Variants in MTPN observed in about 807,000 individuals in gnomAD.
MTPN encodes granule cell differentiation protein.
In MTPN, 2 loss-of-function variants were observed where a neutral mutation model predicts 13.5. The observed-to-expected ratio is 0.15, with a 90% confidence interval of 0.06 to 0.47. MTPN has a LOEUF of 0.47. MTPN is among the 20% of genes least tolerant of loss of function. MTPN has a pLI of 0.97. For synonymous variants in MTPN, 46 were observed against 51.7 expected (o/e 0.89, Z 0.48); for missense variants, 79 against 137.9 (o/e 0.57, Z 2.14).
At chr7:135,931,722 G>C (rs1005133244) in intron 3 of MTPN, among the ~76,000 whole-genome samples, 1 of 152,120 alleles carries the variant, frequency 6.6e-6, no homozygotes, top group Non-Finnish European at 1.5e-5. Flanking sequence ...ATATTATAGT[G>C]AACTTCTGTT....
chr7:135,943,190 G>A (rs1296812728), intron 3 of MTPN, among the ~76,000 whole-genome samples: 1 of 152,164 alleles, frequency 6.6e-6, no homozygotes, highest in East Asian at 1.9e-4. Context: ...AATGTGAGTG[G>A]GGGAATATCT....
intron 1 of MTPN, among the ~76,000 whole-genome samples, chr7:135,973,803 A>C (rs1490876400): frequency 3.9e-5 from 6 of 152,156 alleles, no homozygotes; most frequent in Non-Finnish European, 5.9e-5. Flanking sequence ...GGTCTGCTAA[A>C]TATAGATGCT....
intron 3 of MTPN, among the ~76,000 whole-genome samples, chr7:135,939,369 C>T (rs905674041): frequency 2.6e-5 from 4 of 152,048 alleles, no homozygotes; most frequent in African/African-American, 7.2e-5. Context: ...GCATCTGACA[C>T]AACCCACTTC....
At chr7:135,951,463 C>G (rs1447998502) in intron 2 of MTPN, 54 bp downstream of exon 2, 13 of 1,042,518 alleles carry the variant, frequency 1.2e-5, no homozygotes, top group Non-Finnish European at 1.4e-5. Flanking sequence ...AAAACAATTA[C>G]CCATAGCATA....
chr7:135,960,260 A>C (rs1313699957), intron 1 of MTPN, among the ~76,000 whole-genome samples: 1 of 152,118 alleles, frequency 6.6e-6, no homozygotes, highest in African/African-American at 2.4e-5. Flanking sequence ...GGTCTAATCA[A>C]GCTACCATGA....
At chr7:135,974,482 C>T (rs1799743199) in intron 1 of MTPN, among the ~76,000 whole-genome samples, 1 of 152,000 alleles carries the variant, frequency 6.6e-6, no homozygotes, top group Non-Finnish European at 1.5e-5. Flanking sequence ...GCACTCTAGC[C>T]TGGGCGACAA....
intron 3 of MTPN, among the ~76,000 whole-genome samples, chr7:135,936,314 G>A (rs758482374): frequency 6.6e-6 from 1 of 152,104 alleles, no homozygotes; most frequent in Non-Finnish European, 1.5e-5. Flanking sequence ...GCGAAACCCC[G>A]TCTGTACTAA....
At chr7:135,931,075 TG>T (rs1252474286) in intron 3 of MTPN, among the ~76,000 whole-genome samples, 1 of 152,196 alleles carries the variant, frequency 6.6e-6, no homozygotes, top group East Asian at 1.9e-4. Context: ...CAGTTCCTGC[TG>T]TGTTTCATGC....
Position 135,927,087 on chromosome 7 carries a change from T to G in MTPN, c.*2839A>C, listed in dbSNP as rs1798931238. 5 of 407,306 alleles carry G rather than the reference T, an allele frequency of 1.2e-5. No individual in the cohort carries two copies. The highest frequency in any genetic ancestry group is 2.1e-5 in the Non-Finnish European group (5 of 232,942). 25.2% of individuals were successfully genotyped at this position (407,306 alleles called of 1,614,324 possible). ...CTCACCAGCTTCTTCTATACACAAT[T>G]GAGTATACAATATTGCATGGAAGAA... On this transcript the variant is annotated 3_prime_UTR_variant, in exon 4 of 4. Transcript: ENST00000393085.
chr7:135,957,489 G>A (rs1799458997), intron 1 of MTPN, among the ~76,000 whole-genome samples: 1 of 150,982 alleles, frequency 6.6e-6, no homozygotes, highest in Non-Finnish European at 1.5e-5. Flanking sequence ...ATTCTTCTTA[G>A]TGTTAAAAAA....
chr7:135,945,138 G>T (rs1799271983), intron 3 of MTPN, among the ~76,000 whole-genome samples: 1 of 152,194 alleles, frequency 6.6e-6, no homozygotes, highest in Non-Finnish European at 1.5e-5. Context: ...TGGTACACCT[G>T]TATAGGGCAC....
intron 3 of MTPN, among the ~76,000 whole-genome samples, chr7:135,945,964 AAT>A (rs2116366335): frequency 6.6e-6 from 1 of 152,176 alleles, no homozygotes; most frequent in South Asian, 2.1e-4. Context: ...CACAGGAAGA[AAT>A]AATAATAATA....
intron 3 of MTPN, among the ~76,000 whole-genome samples, chr7:135,944,822 T>C (rs896523302): frequency 1.3e-5 from 2 of 152,198 alleles, no homozygotes; most frequent in African/African-American, 4.8e-5. Flanking sequence ...GGAGACATAT[T>C]TCAAGACCTC....
intron 3 of MTPN, among the ~76,000 whole-genome samples, chr7:135,939,361 A>T (rs1799164584): frequency 2.0e-5 from 3 of 152,088 alleles, no homozygotes; most frequent in South Asian, 4.1e-4. Flanking sequence ...CTCACTCAGC[A>T]TCTGACACAA....
chr7:135,946,021 A>C (rs1476641899), intron 3 of MTPN, among the ~76,000 whole-genome samples: 1 of 152,230 alleles, frequency 6.6e-6, no homozygotes, highest in African/African-American at 2.4e-5. Context: ...ACTGTAATAA[A>C]AGTTATGGTA....
chr7:135,938,418 G>A (rs1421813250), intron 3 of MTPN, among the ~76,000 whole-genome samples: 1 of 152,172 alleles, frequency 6.6e-6, no homozygotes, highest in Non-Finnish European at 1.5e-5. Flanking sequence ...TATCTGAAAG[G>A]ACTAAGACTG....
chr7:135,969,100 A>AGG (rs1562937114), intron 1 of MTPN, among the ~76,000 whole-genome samples: 1 of 20,222 alleles, frequency 4.9e-5, no homozygotes, highest in Non-Finnish European at 9.9e-5. Context: ...GGGGGGGGGG[A>AGG]GGAGGGAGGG....
At chr7:135,946,736 C>A (rs1054829400) in intron 3 of MTPN, among the ~76,000 whole-genome samples, 2 of 152,116 alleles carry the variant, frequency 1.3e-5, no homozygotes, top group African/African-American at 4.8e-5. Context: ...AAAGGGGAAC[C>A]TTATTTCACT....
At chr7:135,975,084 T>A (rs1254925378) in intron 1 of MTPN, among the ~76,000 whole-genome samples, 2 of 152,208 alleles carry the variant, frequency 1.3e-5, no homozygotes, top group Non-Finnish European at 2.9e-5. Flanking sequence ...CTCCCTCTTA[T>A]GCAAATTTTT....
Sources: allele counts gnomAD v4.1 joint callset (sites outside exome capture counted in the v4.1 genomes callset), GRCh38; gene constraint gnomAD v4.1.1; transcripts MANE v1.5; gene names NCBI Gene and HGNC (gene_info 2026-07-23, HGNC 2026-07-21).